The following EPHA6 variants were observed in gnomAD, a reference collection of about 807,000 sequenced individuals.
EPHA6 encodes the protein EPH receptor A6.
A neutral mutation model predicts 112.0 loss-of-function variants in EPHA6; 50 were observed. That is an observed-to-expected ratio of 0.45 (90% CI 0.36 to 0.56). The LOEUF is 0.56. Among genes scored for constraint, EPHA6 ranks in the 20% least tolerant of loss-of-function variants. EPHA6 has a pLI of 0.00. For synonymous variants in EPHA6, 529 were observed against 490.7 expected (o/e 1.08, Z -1.03); for missense variants, 1,280 against 1,417.4 (o/e 0.90, Z 1.56).
intron 3 of EPHA6, among the ~76,000 whole-genome samples, chr3:97,111,352 T>C (rs1483626727): frequency 6.6e-6 from 1 of 152,168 alleles, no homozygotes; most frequent in Non-Finnish European, 1.5e-5. Context: ...TTTGCAATTG[T>C]ATTTGACATG....
chr3:96,860,944 T>G (rs75443776), intron 1 of EPHA6, among the ~76,000 whole-genome samples: 1 of 152,142 alleles, frequency 6.6e-6, no homozygotes, highest in Non-Finnish European at 1.5e-5. Flanking sequence ...AGAACAATTT[T>G]ATAGGAAAGC....
At chr3:97,625,475 G>T (rs1267592293) in intron 13 of EPHA6, among the ~76,000 whole-genome samples, 1 of 151,626 alleles carries the variant, frequency 6.6e-6, no homozygotes, top group Non-Finnish European at 1.5e-5. Flanking sequence ...GCTTATCAAA[G>T]AAAATATTCC....
intron 12 of EPHA6, among the ~76,000 whole-genome samples, chr3:97,607,393 C>T (rs2093688021): frequency 6.6e-6 from 1 of 150,868 alleles, no homozygotes; most frequent in Non-Finnish European, 1.5e-5. Flanking sequence ...TCAATATTCC[C>T]TTAAAGTCTT....
intron 7 of EPHA6, among the ~76,000 whole-genome samples, chr3:97,459,248 A>G (rs1234652402): frequency 6.6e-6 from 1 of 152,176 alleles, no homozygotes; most frequent in Admixed American, 6.5e-5. Flanking sequence ...TGCTTTTCCA[A>G]AAGTGAGCCC....
At chr3:97,364,162 T>C (rs2084572906) in intron 5 of EPHA6, among the ~76,000 whole-genome samples, 1 of 152,110 alleles carries the variant, frequency 6.6e-6, no homozygotes, top group African/African-American at 2.4e-5. Context: ...GGTACATTTA[T>C]GTTGTTTATA....
At chr3:97,284,149 CTATT>C (rs556774151) in intron 5 of EPHA6, among the ~76,000 whole-genome samples, 32 of 152,118 alleles carry the variant, frequency 2.1e-4, no homozygotes, top group African/African-American at 6.7e-4. Context: ...TTAAAGAAAT[CTATT>C]TAAAGTTTCC....
intron 2 of EPHA6, among the ~76,000 whole-genome samples, chr3:96,941,947 A>C (rs1294663504): frequency 6.6e-6 from 1 of 152,164 alleles, no homozygotes; most frequent in Non-Finnish European, 1.5e-5. Context: ...ATGAACGCAA[A>C]TGCTGCTGCC....
chr3:97,503,463 G>A (rs527450629), intron 10 of EPHA6, among the ~76,000 whole-genome samples: 3 of 152,250 alleles, frequency 2.0e-5, no homozygotes, highest in East Asian at 3.8e-4. Context: ...TTTCTGCTCA[G>A]TTAGGAACTA....
At chr3:97,230,294 C>A (rs1461199918) in intron 4 of EPHA6, among the ~76,000 whole-genome samples, 6 of 152,090 alleles carry the variant, frequency 3.9e-5, no homozygotes, top group Non-Finnish European at 8.8e-5. Flanking sequence ...TTCAGCATGA[C>A]AAACTAGTCA....
intron 3 of EPHA6, among the ~76,000 whole-genome samples, chr3:97,008,277 A>G (rs1188973977): frequency 6.6e-6 from 1 of 152,018 alleles, no homozygotes; most frequent in African/African-American, 2.4e-5. Flanking sequence ...ATGAAGTCAC[A>G]TGTTTTTTGG....
chr3:97,606,998 C>T (rs756614748), intron 12 of EPHA6, among the ~76,000 whole-genome samples: 1 of 150,954 alleles, frequency 6.6e-6, no homozygotes, highest in South Asian at 2.1e-4. Context: ...TGTTAAATAA[C>T]TGAATGACTT....
chr3:97,178,321 A>G (rs1473188254), intron 3 of EPHA6, among the ~76,000 whole-genome samples: 1 of 152,078 alleles, frequency 6.6e-6, no homozygotes, highest in Non-Finnish European at 1.5e-5. Context: ...GAAAAGTTGT[A>G]ATAGTTATTG....
chr3:96,858,670 G>T (rs2035836911), intron 1 of EPHA6, among the ~76,000 whole-genome samples: 1 of 152,050 alleles, frequency 6.6e-6, no homozygotes, highest in African/African-American at 2.4e-5. Context: ...CAGTTAAATT[G>T]TTTTCTTCGT....
chr3:96,899,493 A>C (rs1393413498), intron 2 of EPHA6, among the ~76,000 whole-genome samples: 5 of 152,232 alleles, frequency 3.3e-5, no homozygotes, highest in African/African-American at 9.6e-5. Flanking sequence ...CTTTTGATTT[A>C]AAGCAGAGCC....
At chr3:97,458,975 T>G (rs2090792990) in intron 7 of EPHA6, among the ~76,000 whole-genome samples, 2 of 152,110 alleles carry the variant, frequency 1.3e-5, no homozygotes, top group South Asian at 2.1e-4. Context: ...GAAGGCAATA[T>G]GTATTGTATA....
At chr3:96,948,412 C>T in intron 2 of EPHA6, among the ~76,000 whole-genome samples, 1 of 152,046 alleles carries the variant, frequency 6.6e-6, no homozygotes, top group East Asian at 1.9e-4. Flanking sequence ...GGAATCAGTG[C>T]ATTGTTTAAG....
chr3:97,047,422 C>T (rs1300623123), intron 3 of EPHA6, among the ~76,000 whole-genome samples: 2 of 150,656 alleles, frequency 1.3e-5, no homozygotes, highest in Non-Finnish European at 3.0e-5. Context: ...ATGGCATGAA[C>T]CCAGGAGGTG....
intron 9 of EPHA6, among the ~76,000 whole-genome samples, chr3:97,483,199 A>T (rs1361542255): frequency 6.6e-6 from 1 of 152,220 alleles, no homozygotes; most frequent in Non-Finnish European, 1.5e-5. Context: ...CCACACATTA[A>T]TGTTTTCTAG....
intron 14 of EPHA6, among the ~76,000 whole-genome samples, chr3:97,692,818 G>C (rs1178327584): frequency 1.3e-5 from 2 of 152,118 alleles, no homozygotes; most frequent in Non-Finnish European, 2.9e-5. Context: ...CATATGGGCA[G>C]TTTCTTGACA....
Sources: gnomAD v4.1 joint callset for allele counts (sites outside exome capture counted in the v4.1 genomes callset) on GRCh38, gnomAD v4.1.1 for gene constraint, MANE v1.5 for transcripts, NCBI Gene and HGNC (gene_info 2026-07-23, HGNC 2026-07-21) for gene names.